SERPINA10: variants seen among roughly 807,000 people sequenced by gnomAD.
SERPINA10 encodes the protein serpin family A member 10.
SERPINA10 carries 24 observed loss-of-function variants against 28.0 expected under a neutral mutation model. The ratio of observed to expected loss-of-function variants is 0.86; its 90% CI spans 0.62 to 1.20. The LOEUF (loss-of-function observed/expected upper bound fraction) is 1.20. Ranked by LOEUF, SERPINA10 falls within the 50% of genes most tolerant of loss-of-function variation. The pLI, the probability that SERPINA10 is intolerant of heterozygous loss-of-function variation, is 0.00. For missense variants in SERPINA10, 521 were observed against 537.7 expected (o/e 0.97, Z 0.31); for synonymous variants, 207 against 203.9 (o/e 1.02, Z -0.13).
intron 4 of SERPINA10, among the ~76,000 whole-genome samples, chr14:94,284,461 A>G (rs1894973789): frequency 6.6e-6 from 1 of 152,244 alleles, no homozygotes; most frequent in African/African-American, 2.4e-5. Flanking sequence ...CATGTAATTT[A>G]TGCTACTAAT....
chr14:94,290,722 C>G (rs1176639654), intron 1 of SERPINA10, 79 bp from the exon 2 acceptor site: 20 of 1,475,322 alleles, frequency 1.4e-5, no homozygotes, highest in Non-Finnish European at 1.8e-5. Flanking sequence ...CTTCAGGGAC[C>G]CTGCCTCCTT....
At chr14:94,286,013 T>G in intron 4 of SERPINA10, 95 bp downstream of exon 4, 1 of 1,445,850 alleles carries the variant, frequency 6.9e-7, no homozygotes, top group Non-Finnish European at 9.6e-7. Flanking sequence ...TCCACTACAA[T>G]TAGGTATTTT....
chr14:94,292,800 C>T lies in SERPINA10; in HGVS notation c.-51+389G>A, dbSNP rs1053392892. 1.1e-5 allele frequency: 7 copies of T among 649,724 alleles called. No homozygotes were observed. The Admixed American group carries it at 1.1e-4, about 10-fold the overall frequency. The allele number at this position is 649,724 out of a possible 1,614,324, so 40.2% of individuals were successfully genotyped here. A position where few individuals can be genotyped will look rare whatever the true frequency, so the allele number is the denominator to read the frequency against. ...TCCAGCATGGTGAGGACGCACCTTC[C>T]TAGACAGAACCTGGGCAGTAAGGAA... is the stretch of plus-strand genomic sequence containing the variant. On this transcript the variant is annotated intron_variant, in intron 1 of 4. Coordinates refer to ENST00000261994, the MANE Select transcript of SERPINA10 (RefSeq NM_001100607.3).
At chr14:94,288,265 G>C in intron 3 of SERPINA10, 21 bp downstream of exon 3, 1 of 1,612,880 alleles carries the variant, frequency 6.2e-7, no homozygotes. Flanking sequence ...AGTTTGTATA[G>C]GGTGTGGGCA....
At chr14:94,287,324 A>T (rs900883425) in intron 3 of SERPINA10, among the ~76,000 whole-genome samples, 1 of 152,114 alleles carries the variant, frequency 6.6e-6, no homozygotes, top group Non-Finnish European at 1.5e-5. Flanking sequence ...CTTTCAGTAA[A>T]TGGCAAATCC....
chr14:94,292,376 C>T (rs191323618), intron 1 of SERPINA10, among the ~76,000 whole-genome samples: 1 of 152,268 alleles, frequency 6.6e-6, no homozygotes, highest in East Asian at 1.9e-4. Context: ...CTGACTCGGA[C>T]TTTCAGCCTC....
chr14:94,285,720 C>T (rs561678547), intron 4 of SERPINA10, among the ~76,000 whole-genome samples: 2 of 151,938 alleles, frequency 1.3e-5, no homozygotes, highest in East Asian at 3.9e-4. Context: ...GAGGGGATTT[C>T]CACAAGGAGG....
rs1895224418 is a variant in SERPINA10, at chr14:94,293,198, G to A, written c.-60C>T. 1 of 154,020 alleles carries A rather than the reference G, an allele frequency of 6.5e-6. No homozygotes were observed. The highest frequency in any genetic ancestry group is 6.3e-5 in the Admixed American group (1 of 15,800). The allele number at this position is 154,020 out of a possible 1,614,324, so 9.5% of individuals were successfully genotyped here. On this transcript the variant is annotated 5_prime_UTR_variant, in exon 1 of 5. Coordinates refer to ENST00000261994, the MANE Select transcript of SERPINA10 (RefSeq NM_001100607.3). Reference sequence around the variant, plus strand: ...ACCCACTGCCTCTTACCAGTGTGTGGCCTTGGGTCCTGGAAAAGTCCTTCA... The same window carrying A: ...ACCCACTGCCTCTTACCAGTGTGTGACCTTGGGTCCTGGAAAAGTCCTTCA...
chr14:94,289,982 G>C lies in SERPINA10; in HGVS notation c.612C>G (p.Leu204=). ...TCTCTTTGTTAATGTAATGATTCATGAGCCTTTTGGCCTGTGAGGCATTGC... is the reference window on the plus strand; with the variant it reads ...TCTCTTTGTTAATGTAATGATTCATCAGCCTTTTGGCCTGTGAGGCATTGC... ...NFRNASQAKR[L]MNHYINKETR... The change falls in exon 2 of 5, where the codon CTC becomes CTG. Residue 204 remains leucine (L), a synonymous_variant. Coordinates refer to ENST00000261994, the MANE Select transcript of SERPINA10 (RefSeq NM_001100607.3). The C allele has an allele frequency of 6.2e-7, 1 of 1,614,234 alleles. No homozygotes were observed. Among genetic ancestry groups the C allele is most frequent in the Non-Finnish European group, 8.5e-7 (1 of 1,180,030 alleles).
intron 1 of SERPINA10, among the ~76,000 whole-genome samples, chr14:94,291,511 G>A (rs1895179042): frequency 6.6e-6 from 1 of 152,214 alleles, no homozygotes; most frequent in South Asian, 2.1e-4. Context: ...GGACTGGCCT[G>A]GGCCACCTGG....
chr14:94,286,707 T>C (rs1032430650), intron 3 of SERPINA10, among the ~76,000 whole-genome samples: 3 of 152,196 alleles, frequency 2.0e-5, no homozygotes, highest in African/African-American at 7.2e-5. Flanking sequence ...ATACCATCTA[T>C]TTTGTATACT....
chr14:94,291,463 T>C (rs1895178012), intron 1 of SERPINA10, among the ~76,000 whole-genome samples: 1 of 152,254 alleles, frequency 6.6e-6, no homozygotes. Flanking sequence ...GCCTGGCTCC[T>C]GAATACTTCC....
At chr14:94,292,644 T>C in intron 1 of SERPINA10, 2 of 701,804 alleles carry the variant, frequency 2.8e-6, no homozygotes, top group Middle Eastern at 2.3e-4. Flanking sequence ...CAGTCTGCAG[T>C]GGTAGCCCAG....
In SERPINA10 at chr14:94,288,531, G is replaced by A; in HGVS notation, c.747C>T (p.Val249=). Reference sequence around the variant, plus strand: ...GGTGGAAAGTGTCGACTTCGGTGAAGACAGGGTCAAATGGGGTCAACCATT... The same window carrying A: ...GGTGGAAAGTGTCGACTTCGGTGAAAACAGGGTCAAATGGGGTCAACCATT... ...KGKWLTPFDP[V]FTEVDTFHLD... is the part of the protein sequence containing the mutation. Residue 249 remains valine (V), a synonymous_variant, in exon 3 of 5, where the codon GTC becomes GTT. Coordinates refer to ENST00000261994, the MANE Select transcript of SERPINA10 (RefSeq NM_001100607.3). 1 of 1,614,206 alleles carries A rather than the reference G, an allele frequency of 6.2e-7. No homozygotes were observed. Among genetic ancestry groups the A allele is most frequent in the Non-Finnish European group, 8.5e-7 (1 of 1,180,050 alleles).
At chr14:94,292,957 C>G (rs1281263023) in intron 1 of SERPINA10, 1 of 443,166 alleles carries the variant, frequency 2.3e-6, no homozygotes, top group Non-Finnish European at 4.2e-6. Context: ...TTTCAAGCCT[C>G]TTTCCCTTGG....
Position 94,290,152 on chromosome 14 carries a change from G to T in SERPINA10, c.442C>A (p.Leu148Ile). 1 of 1,614,168 alleles carries T rather than the reference G, an allele frequency of 6.2e-7. No homozygotes were observed. The change falls in exon 2 of 5, where the codon CTC becomes ATC. Residue 148 changes from leucine to isoleucine, a missense_variant. Physicochemically the swap from Leu to Ile is conservative, Grantham distance 5 (BLOSUM62 2). Coordinates refer to ENST00000261994, the MANE Select transcript of SERPINA10 (RefSeq NM_001100607.3). ...AGGTTGCGGGAGAGGGTCTCTCTGAGTCCCTTAAAGAGGGAAGGCAGGAGC... is the reference window on the plus strand; with the variant it reads ...AGGTTGCGGGAGAGGGTCTCTCTGATTCCCTTAAAGAGGGAAGGCAGGAGC... ...PGLLPSLFKG[L>I]RETLSRNLEL...
At chr14:94,287,867 C>T (rs1895062741) in intron 3 of SERPINA10, among the ~76,000 whole-genome samples, 1 of 152,236 alleles carries the variant, frequency 6.6e-6, no homozygotes, top group African/African-American at 2.4e-5. Context: ...TGTTTGCTTA[C>T]TGTTACCTTC....
chr14:94,292,955 C>G (rs1895216352), intron 1 of SERPINA10: 1 of 448,568 alleles, frequency 2.2e-6, no homozygotes, highest in African/African-American at 1.9e-5. Flanking sequence ...CCTTTCAAGC[C>G]TCTTTCCCTT....
rs537286586 is a variant in SERPINA10 at position 94,286,361 on chromosome 14, A to C, written c.993-103T>G. 3.2e-6 allele frequency: 4 copies of C among 1,255,290 alleles called. No individual in the cohort carries two copies. The African/African-American group carries it at 5.9e-5, about 19-fold the overall frequency. The allele number at this position is 1,255,290 out of a possible 1,614,324, so 77.8% of individuals were successfully genotyped here. Reference sequence around the variant, plus strand: ...TTCTTTAAGATTATTTCCATTAATGAGTCTTTCAGTTGACTATGTAGTTCA... The same window carrying C: ...TTCTTTAAGATTATTTCCATTAATGCGTCTTTCAGTTGACTATGTAGTTCA... On this transcript the variant is annotated intron_variant, in intron 3 of 4. Coordinates refer to ENST00000261994, the MANE Select transcript of SERPINA10 (RefSeq NM_001100607.3).
Sources: allele counts gnomAD v4.1 joint callset (sites outside exome capture counted in the v4.1 genomes callset), GRCh38; gene constraint gnomAD v4.1.1; transcripts MANE v1.5; gene names NCBI Gene and HGNC (gene_info 2026-07-23, HGNC 2026-07-21).